Variants in TBL1X observed in about 807,000 individuals in gnomAD.
TBL1X encodes the protein F-box-like/WD repeat-containing protein TBL1X.
TBL1X carries 10 observed loss-of-function variants against 50.7 expected under a neutral mutation model. The ratio of observed to expected loss-of-function variants is 0.20; its 90% confidence interval spans 0.12 to 0.33. TBL1X has a LOEUF of 0.33. Ranked by LOEUF, TBL1X falls within the 10% of genes least tolerant of loss-of-function variation. TBL1X has a pLI of 1.00. For missense variants in TBL1X, 340 were observed against 504.4 expected (o/e 0.67, Z 3.12); for synonymous variants, 190 against 214.7 (o/e 0.88, Z 1.01).
intron 3 of TBL1X, among the ~76,000 whole-genome samples, chrX:9,640,609 T>TTTTTG (rs746050609): frequency 1.8e-5 from 2 of 109,664 alleles, no homozygotes; most frequent in East Asian, 2.8e-4. Context: ...TTGGGTTGTG[T>TTTTTG]TTTTGTTTTG....
intron 2 of TBL1X, among the ~76,000 whole-genome samples, chrX:9,548,227 C>T (rs2082254767): frequency 9.1e-6 from 1 of 110,380 alleles, no homozygotes; most frequent in Non-Finnish European, 1.9e-5. Flanking sequence ...ATATTTTATC[C>T]TCTTTGAGTT....
chrX:9,715,027 G>A lies in TBL1X; in HGVS notation c.1707+24G>A, dbSNP rs775069477. ...CTGTAAGCAACACCTCTGGTTTGCT[G>A]GGGAGTGGGGTGTTGGGGGCAGCTG... On this transcript the variant is annotated intron_variant, in intron 17 of 17. Coordinates refer to ENST00000645353, the MANE Select transcript of TBL1X (RefSeq NM_005647.4). The A allele has an allele frequency of 2.1e-5, 25 of 1,184,193 alleles. 1 individual carries two copies. The South Asian group carries it at 4.2e-4, about 20-fold the overall frequency.
intron 2 of TBL1X, among the ~76,000 whole-genome samples, chrX:9,553,336 A>G (rs905531653): frequency 8.9e-6 from 1 of 111,772 alleles, no homozygotes; most frequent in East Asian, 2.8e-4. Context: ...GGCGGCCTCT[A>G]GAAGCTGGAC....
At chrX:9,587,037 G>A (rs759126079) in intron 2 of TBL1X, among the ~76,000 whole-genome samples, 5 of 112,356 alleles carry the variant, frequency 4.5e-5, no homozygotes, top group Admixed American at 9.4e-5. Flanking sequence ...TGGAGGGAAG[G>A]ATGCCTGGAG....
At chrX:9,636,485 AAAC>A (rs60010378) in intron 2 of TBL1X, 28,703 of 101,422 alleles carry the variant, frequency 0.28, 3,305 homozygotes, top group Non-Finnish European at 0.31. Context: ...AAACAAAGCA[AAAC>A]AACAACAACA....
rs151111938 is a variant in TBL1X, at chrX:9,524,269, A to G, written c.-131+22420A>G. ...AGGCGTGAGCCAGTGTGCCCGGCCT[A>G]TTTTAACCATTTTTAAGTGTACAGT... On this transcript the variant is annotated intron_variant, in intron 2 of 17. Coordinates refer to ENST00000645353, the MANE Select transcript of TBL1X (RefSeq NM_005647.4). Among the ~76,000 whole-genome samples the G allele has an allele frequency of 9.4e-3, 1,052 of 111,708 alleles. 14 individuals are homozygous for G. Among genetic ancestry groups the G allele is most frequent in the African/African-American group, 0.033 (1,008 of 30,715 alleles).
chrX:9,486,589 A>ACCCCCCCCCCCCCCC (rs369631747), intron 1 of TBL1X, among the ~76,000 whole-genome samples: 4 of 99,181 alleles, frequency 4.0e-5, no homozygotes, highest in Non-Finnish European at 2.0e-5. Context: ...CAGAACACAC[A>ACCCCCCCCCCCCCCC]CCCCCCCCCC....
intron 2 of TBL1X, among the ~76,000 whole-genome samples, chrX:9,567,972 TCTC>T (rs752906229): frequency 4.0e-4 from 45 of 111,888 alleles, no homozygotes; most frequent in Non-Finnish European, 7.3e-4. Flanking sequence ...TGAGCCTCTG[TCTC>T]CTCCTCTGTG....
At chrX:9,498,650 A>G (rs2081984874) in intron 1 of TBL1X, among the ~76,000 whole-genome samples, 1 of 112,455 alleles carries the variant, frequency 8.9e-6, no homozygotes, top group African/African-American at 3.2e-5. Context: ...GTATCTGACA[A>G]GTCTGCAGAG....
chrX:9,715,533 A>T (rs1325898448), intron 17 of TBL1X, among the ~76,000 whole-genome samples: 2 of 112,018 alleles, frequency 1.8e-5, no homozygotes, highest in Non-Finnish European at 3.8e-5. Context: ...GTGCGTCCGG[A>T]TCTATCTAAA....
chrX:9,690,657 C>T (rs2083090995), intron 7 of TBL1X, among the ~76,000 whole-genome samples: 1 of 112,069 alleles, frequency 8.9e-6, no homozygotes, highest in Non-Finnish European at 1.9e-5. Context: ...AATTTGAAAA[C>T]ATGGGCAGTG....
intron 2 of TBL1X, among the ~76,000 whole-genome samples, chrX:9,512,678 T>C (rs1175635461): frequency 1.8e-5 from 2 of 109,971 alleles, no homozygotes; most frequent in Non-Finnish European, 3.8e-5. Context: ...TTTGTAGTTT[T>C]GGTAGAGATG....
chrX:9,551,795 C>G (rs757766961), intron 2 of TBL1X, among the ~76,000 whole-genome samples: 1 of 111,962 alleles, frequency 8.9e-6, no homozygotes, highest in African/African-American at 3.2e-5. Flanking sequence ...CTCATAAGCA[C>G]ACGCACGCTG....
chrX:9,698,433 G>T (rs867661671), intron 12 of TBL1X, among the ~76,000 whole-genome samples: 1 of 111,738 alleles, frequency 8.9e-6, no homozygotes, highest in African/African-American at 3.3e-5. Context: ...CGGTGCACAC[G>T]GCCAAATCCA....
At chrX:9,475,842 T>C (rs1370897553) in intron 1 of TBL1X, among the ~76,000 whole-genome samples, 1 of 112,016 alleles carries the variant, frequency 8.9e-6, no homozygotes, top group African/African-American at 3.2e-5. Flanking sequence ...GTGTAATTTT[T>C]GGTGTTTGCA....
intron 5 of TBL1X, among the ~76,000 whole-genome samples, chrX:9,665,536 TATAA>T (rs1278156051): frequency 1.6e-5 from 1 of 63,268 alleles, no homozygotes; most frequent in African/African-American, 6.0e-5. Flanking sequence ...TATATATATA[TATAA>T]AAGGCCTTGG....
chrX:9,588,190 T>A (rs745535377), intron 2 of TBL1X, among the ~76,000 whole-genome samples: 6 of 111,165 alleles, frequency 5.4e-5, no homozygotes, highest in East Asian at 2.8e-4. Context: ...AATCCAGAGG[T>A]GATTTAAAGT....
chrX:9,668,373 G>GA (rs749335254), intron 5 of TBL1X, among the ~76,000 whole-genome samples: 1,320 of 90,101 alleles, frequency 0.015, 2 homozygotes, highest in South Asian at 0.028. Context: ...ATTGGAATAG[G>GA]AAAAAAAAAA....
intron 3 of TBL1X, among the ~76,000 whole-genome samples, 198 bp from the exon 4 acceptor site, chrX:9,653,347 G>A (rs2082846888): frequency 8.9e-6 from 1 of 112,351 alleles, no homozygotes; most frequent in African/African-American, 3.2e-5. Flanking sequence ...CTAACCGGGT[G>A]GTGTCTAAGA....
Sources: gnomAD v4.1 joint callset for allele counts (sites outside exome capture counted in the v4.1 genomes callset) on GRCh38, gnomAD v4.1.1 for gene constraint, MANE v1.5 for transcripts, NCBI Gene and HGNC (gene_info 2026-07-23, HGNC 2026-07-21) for gene names.